The following MARCHF10 variants were observed in gnomAD, a reference collection of about 807,000 sequenced individuals.
The protein encoded by MARCHF10 is membrane associated ring-CH-type finger 10.
In MARCHF10, 64 loss-of-function variants were observed where a neutral mutation model predicts 76.2. That is an observed-to-expected ratio of 0.84 (90% CI 0.69 to 1.03). The LOEUF (loss-of-function observed/expected upper bound fraction) is 1.03, where lower values mean the gene tolerates loss of function less well. Among genes scored for constraint, MARCHF10 ranks in the 50% least tolerant of loss-of-function variants. The pLI is 0.00. For synonymous variants in MARCHF10, 340 were observed against 357.5 expected (o/e 0.95, Z 0.55); for missense variants, 875 against 958.0 (o/e 0.91, Z 1.14).
chr17:62,724,819 C>G (rs1034622797), intron 7 of MARCHF10, 119 bp downstream of exon 7: 1 of 1,066,432 alleles, frequency 9.4e-7, no homozygotes, highest in African/African-American at 1.6e-5. Flanking sequence ...GCCACGTGTC[C>G]CTGAGTCGCT....
At chr17:62,793,564 T>TCCACCACCACCACAACCATCACCAC (rs2092924065) in intron 2 of MARCHF10, among the ~76,000 whole-genome samples, 1 of 46,450 alleles carries the variant, frequency 2.2e-5, no homozygotes, top group Non-Finnish European at 4.1e-5. Context: ...CACCACCACC[T>TCCACCACCACCACAACCATCACCAC]CCACCACCAC....
intron 8 of MARCHF10, among the ~76,000 whole-genome samples, chr17:62,719,847 C>T (rs1188171795): frequency 1.3e-5 from 2 of 152,064 alleles, no homozygotes; most frequent in Non-Finnish European, 2.9e-5. Context: ...GGATATCCTG[C>T]TCTGTTTTCT....
At chr17:62,790,706 A>C (rs559725952) in intron 2 of MARCHF10, among the ~76,000 whole-genome samples, 1 of 152,332 alleles carries the variant, frequency 6.6e-6, no homozygotes. Flanking sequence ...TCCTTCCGTG[A>C]TGCAGTAGGA....
At chr17:62,720,849 G>A (rs537274321) in intron 8 of MARCHF10, among the ~76,000 whole-genome samples, 4 of 150,490 alleles carry the variant, frequency 2.7e-5, no homozygotes, top group South Asian at 2.1e-4. Context: ...TCTCTGCTCC[G>A]GTAAGTTGTG....
At chr17:62,756,898 G>C (rs144744270) in intron 4 of MARCHF10, among the ~76,000 whole-genome samples, 4,794 of 152,266 alleles carry the variant, frequency 0.031, 117 homozygotes, top group Non-Finnish European at 0.047. Context: ...GCAGTTTCAT[G>C]GACTATACAA....
At chr17:62,744,239 G>A in intron 5 of MARCHF10, 137 bp downstream of exon 5, 1 of 966,060 alleles carries the variant, frequency 1.0e-6, no homozygotes, top group Non-Finnish European at 1.5e-6. Flanking sequence ...TGCTTTTAAA[G>A]CTGTTTCATT....
At chr17:62,705,411 G>A in intron 10 of MARCHF10, 128 bp downstream of exon 10, 2 of 1,573,672 alleles carry the variant, frequency 1.3e-6, no homozygotes. Context: ...CCCAAGCTTT[G>A]CGGGGTTATT....
intron 8 of MARCHF10, among the ~76,000 whole-genome samples, chr17:62,720,490 G>A (rs907758543): frequency 2.6e-5 from 4 of 152,200 alleles, no homozygotes; most frequent in African/African-American, 9.7e-5. Context: ...CCTTCTTCCA[G>A]TTAGGTATGG....
intron 10 of MARCHF10, among the ~76,000 whole-genome samples, chr17:62,702,975 G>A (rs552041329): frequency 6.6e-6 from 1 of 152,186 alleles, no homozygotes; most frequent in African/African-American, 2.4e-5. Context: ...ATATCTGCAG[G>A]AGGTATTGCC....
chr17:62,756,949 A>G (rs2092061817), intron 4 of MARCHF10, among the ~76,000 whole-genome samples: 1 of 152,242 alleles, frequency 6.6e-6, no homozygotes, highest in Admixed American at 6.5e-5. Context: ...CAGGATGAAG[A>G]GCAATCTGAT....
Position 62,787,748 on chromosome 17 carries a change from G to GGATA in MARCHF10, c.210+728_210+731dup, listed in dbSNP as rs539550748. Among the ~76,000 whole-genome samples, 984 of 151,604 alleles carry GGATA rather than the reference G, an allele frequency of 6.5e-3. 4 individuals carry two copies. Among genetic ancestry groups the GGATA allele is most frequent in the African/African-American group, 0.019 (779 of 41,256 alleles). The stretch of plus-strand genomic sequence containing the variant: ...TCAGTAAAGTGGGGCAAAGATGGAT[G>GGATA]GATAGATAGATAGATAGATAGATAG... On this transcript the variant is annotated intron_variant, in intron 3 of 10. Coordinates refer to ENST00000311269, the MANE Select transcript of MARCHF10 (RefSeq NM_152598.4).
At chr17:62,743,399 G>A (rs2091586094) in intron 5 of MARCHF10, among the ~76,000 whole-genome samples, 1 of 152,194 alleles carries the variant, frequency 6.6e-6, no homozygotes, top group African/African-American at 2.4e-5. Context: ...TGTAATCCCA[G>A]CACTTTGGGA....
At chr17:62,795,253 A>G (rs977146414) in intron 2 of MARCHF10, among the ~76,000 whole-genome samples, 1 of 151,230 alleles carries the variant, frequency 6.6e-6, no homozygotes, top group African/African-American at 2.4e-5. Context: ...CATTTAATAG[A>G]GTATAGAAAA....
chr17:62,783,292 A>G (rs2092694734), intron 3 of MARCHF10, among the ~76,000 whole-genome samples: 1 of 150,570 alleles, frequency 6.6e-6, no homozygotes, highest in South Asian at 2.1e-4. Flanking sequence ...TAAATAACAA[A>G]ATGAAGGCAG....
chr17:62,724,904 G>T (rs201531577), intron 7 of MARCHF10, 34 bp downstream of exon 7: 1 of 1,604,758 alleles, frequency 6.2e-7, no homozygotes, highest in South Asian at 1.1e-5. Context: ...ATTACATGTC[G>T]TGGCACGTTC....
chr17:62,740,081 T>TGTGC (rs1555696763), intron 5 of MARCHF10, among the ~76,000 whole-genome samples: 2 of 83,396 alleles, frequency 2.4e-5, no homozygotes, highest in African/African-American at 6.5e-5. Flanking sequence ...TGTGTGTGTG[T>TGTGC]GCGTGTGTGT....
At chr17:62,785,540 CT>C (rs1181711059) in intron 3 of MARCHF10, among the ~76,000 whole-genome samples, 1 of 152,126 alleles carries the variant, frequency 6.6e-6, no homozygotes, top group Non-Finnish European at 1.5e-5. Flanking sequence ...TCTAATTAAA[CT>C]AAAGAACTTC....
chr17:62,724,876 C>G, intron 7 of MARCHF10, 62 bp downstream of exon 7: 2 of 1,583,942 alleles, frequency 1.3e-6, no homozygotes, highest in African/African-American at 2.7e-5. Context: ...GGGGCCCACA[C>G]CGTGGTGCCT....
intron 6 of MARCHF10, among the ~76,000 whole-genome samples, chr17:62,733,845 A>G (rs2091141895): frequency 6.6e-6 from 1 of 152,238 alleles, no homozygotes; most frequent in Non-Finnish European, 1.5e-5. Flanking sequence ...CTATTTCTAC[A>G]GAGTCAAACA....
Sources: allele counts gnomAD v4.1 joint callset (sites outside exome capture counted in the v4.1 genomes callset), GRCh38; gene constraint gnomAD v4.1.1; transcripts MANE v1.5; gene names NCBI Gene and HGNC (gene_info 2026-07-23, HGNC 2026-07-21).